NT5C3A: variants seen among roughly 807,000 people sequenced by gnomAD.
NT5C3A encodes the protein cytosolic 5'-nucleotidase 3A.
NT5C3A carries 23 observed loss-of-function variants against 40.0 expected under a neutral mutation model. That is an observed-to-expected ratio of 0.58 (90% CI 0.41 to 0.81). The LOEUF (loss-of-function observed/expected upper bound fraction) is 0.81, where lower values mean the gene tolerates loss of function less well. Ranked by LOEUF, NT5C3A falls within the 40% of genes least tolerant of loss-of-function variation. The pLI, the probability that NT5C3A is intolerant of heterozygous loss-of-function variation, is 0.00. For missense variants in NT5C3A, 328 were observed against 403.0 expected (o/e 0.81, Z 1.59); for synonymous variants, 130 against 141.4 (o/e 0.92, Z 0.57).
In NT5C3A at chr7:33,062,593, C is replaced by A. The variant is rs777795170; in HGVS notation, c.113G>T (p.Gly38Val). 5.6e-6 allele frequency: 9 copies of A among 1,610,256 alleles called. No individual in the cohort carries two copies. The African/African-American group carries it at 9.4e-5, about 17-fold the overall frequency. ...CATCTCGATGATCTTGGTCTTCCGC[C>A]CCGTCTTCCTCTTCAAGGTGAATAT... is the stretch of plus-strand genomic sequence containing the variant. Reference protein sequence around the residue: ...QYIFTLKRKTGRKTKIIEMMP... With the variant: ...QYIFTLKRKTVRKTKIIEMMP... The change falls in exon 1 of 9, where the codon GGG becomes GTG. Residue 38 changes from glycine (G) to valine (V), a missense_variant. By Grantham distance (109) the Gly-to-Val change is moderately radical. Transcript: ENST00000610140.
At chr7:33,043,481 A>G (rs1787016573) in intron 1 of NT5C3A, among the ~76,000 whole-genome samples, 1 of 152,238 alleles carries the variant, frequency 6.6e-6, no homozygotes, top group Admixed American at 6.5e-5. Context: ...CCCAGTCAAC[A>G]TCATATAGTT....
intron 1 of NT5C3A, among the ~76,000 whole-genome samples, chr7:33,044,430 C>T (rs1787061118): frequency 1.3e-5 from 2 of 152,156 alleles, no homozygotes; most frequent in African/African-American, 2.4e-5. Flanking sequence ...TATGGAAGTA[C>T]GAAGTTGTAA....
At chr7:33,060,366 CTTCT>C (rs1293295046) in intron 1 of NT5C3A, among the ~76,000 whole-genome samples, 3 of 115,554 alleles carry the variant, frequency 2.6e-5, no homozygotes, top group East Asian at 2.6e-4. Context: ...TCTTGCTTTC[CTTCT>C]TTTTTTTTTT....
intron 1 of NT5C3A, among the ~76,000 whole-genome samples, chr7:33,061,275 G>A (rs962491387): frequency 6.6e-6 from 1 of 152,200 alleles, no homozygotes; most frequent in African/African-American, 2.4e-5. Context: ...GCTGCTGTGG[G>A]CATACAGATG....
intron 1 of NT5C3A, among the ~76,000 whole-genome samples, chr7:33,044,536 C>G (rs1787067384): frequency 6.6e-6 from 1 of 152,128 alleles, no homozygotes; most frequent in Non-Finnish European, 1.5e-5. Flanking sequence ...GACATAGAAA[C>G]AGAAATCACT....
intron 1 of NT5C3A, chr7:33,029,618 A>G (rs1485550011): frequency 7.9e-7 from 1 of 1,272,704 alleles, no homozygotes; most frequent in African/African-American, 1.5e-5. Context: ...AGTGTACCCA[A>G]GATGTCTTAC....
intron 1 of NT5C3A, 25 bp from the exon 2 acceptor site, chr7:33,026,940 A>G (rs768606381): frequency 1.0e-5 from 15 of 1,478,122 alleles, no homozygotes; most frequent in African/African-American, 1.4e-5. Flanking sequence ...AAATTAATTA[A>G]TTAGTTTTCA....
chr7:33,017,664 A>G, intron 6 of NT5C3A, 63 bp from the exon 7 acceptor site: 1 of 1,296,306 alleles, frequency 7.7e-7, no homozygotes, highest in East Asian at 2.3e-5. Context: ...TTTACTTAGA[A>G]GCTAAAAAAG....
chr7:33,035,194 T>TTG (rs1786522452), intron 1 of NT5C3A, among the ~76,000 whole-genome samples: 1 of 145,350 alleles, frequency 6.9e-6, no homozygotes, highest in Non-Finnish European at 1.5e-5. Context: ...AATGAGTTTT[T>TTG]TTTTTTTTTT....
chr7:33,055,319 GAAAAA>G (rs1310435975), intron 1 of NT5C3A, among the ~76,000 whole-genome samples: 1 of 140,234 alleles, frequency 7.1e-6, no homozygotes. Context: ...CTTGGTGTCG[GAAAAA>G]AAAAAAAAGA....
chr7:33,036,315 A>ATG (rs1173004850), intron 1 of NT5C3A: 1 of 349,242 alleles, frequency 2.9e-6, no homozygotes, highest in Non-Finnish European at 5.5e-6. Context: ...GTTTGGGCAG[A>ATG]TGTGACAAGA....
At chr7:33,042,306 G>A (rs1209594322) in intron 1 of NT5C3A, among the ~76,000 whole-genome samples, 2 of 151,786 alleles carry the variant, frequency 1.3e-5, no homozygotes, top group African/African-American at 4.8e-5. Flanking sequence ...CTCCAGCCCA[G>A]GCAACAAGAG....
intron 1 of NT5C3A, chr7:33,036,029 A>C (rs1333953718): frequency 1.3e-6 from 2 of 1,519,182 alleles, no homozygotes; most frequent in South Asian, 2.2e-5. Flanking sequence ...AGAGAAAAAA[A>C]AAAGTACACG....
At chr7:33,056,339 G>A (rs891646887) in intron 1 of NT5C3A, among the ~76,000 whole-genome samples, 2 of 151,432 alleles carry the variant, frequency 1.3e-5, no homozygotes, top group Non-Finnish European at 2.9e-5. Flanking sequence ...GAGATATGGA[G>A]ATATTTTAAA....
chr7:33,041,673 T>C (rs917016045), intron 1 of NT5C3A, among the ~76,000 whole-genome samples: 5 of 152,178 alleles, frequency 3.3e-5, no homozygotes, highest in Non-Finnish European at 7.3e-5. Flanking sequence ...AATTTCTGTT[T>C]TTAAAAATGG....
intron 1 of NT5C3A, chr7:33,029,826 CA>C (rs2128000686): frequency 1.8e-6 from 1 of 554,542 alleles, no homozygotes; most frequent in African/African-American, 1.9e-5. Flanking sequence ...TTCAGCCTCC[CA>C]AAGTGCTGGG....
At chr7:33,042,914 G>T (rs2128011264) in intron 1 of NT5C3A, among the ~76,000 whole-genome samples, 1 of 152,260 alleles carries the variant, frequency 6.6e-6, no homozygotes, top group African/African-American at 2.4e-5. Context: ...AATAAGCTGT[G>T]ATACATACAG....
chr7:33,057,642 ATTG>A (rs1787622241), intron 1 of NT5C3A, among the ~76,000 whole-genome samples: 1 of 152,192 alleles, frequency 6.6e-6, no homozygotes. Flanking sequence ...AAAGCAATAA[ATTG>A]TTGAGATATG....
At chr7:33,042,344 C>A (rs1047897928) in intron 1 of NT5C3A, among the ~76,000 whole-genome samples, 1 of 151,672 alleles carries the variant, frequency 6.6e-6, no homozygotes, top group African/African-American at 2.4e-5. Flanking sequence ...AAACAAAAAA[C>A]AAAAAAACCC....
Sources: gnomAD v4.1 joint callset for allele counts (sites outside exome capture counted in the v4.1 genomes callset) on GRCh38, gnomAD v4.1.1 for gene constraint, MANE v1.5 for transcripts, NCBI Gene and HGNC (gene_info 2026-07-23, HGNC 2026-07-21) for gene names.